The following CHCHD6 variants were observed in gnomAD, a reference collection of about 807,000 sequenced individuals.
CHCHD6 encodes MICOS complex subunit MIC25.
In CHCHD6, 28 loss-of-function variants were observed where a neutral mutation model predicts 32.3. The ratio of observed to expected loss-of-function variants is 0.87; its 90% CI spans 0.64 to 1.19. The LOEUF is 1.19. CHCHD6 is among the 50% of genes most tolerant of loss of function. The pLI is 0.00. For missense variants in CHCHD6, 333 were observed against 307.0 expected (o/e 1.08, Z -0.63); for synonymous variants, 122 against 117.5 (o/e 1.04, Z -0.25).
At chr3:126,768,494 A>T (rs1937468358) in intron 4 of CHCHD6, among the ~76,000 whole-genome samples, 1 of 152,174 alleles carries the variant, frequency 6.6e-6, no homozygotes, top group Non-Finnish European at 1.5e-5. Context: ...AGTCTCAGGT[A>T]TTTCTTTATA....
intron 5 of CHCHD6, among the ~76,000 whole-genome samples, chr3:126,871,661 C>CTTTTT (rs869191195): frequency 2.4e-5 from 3 of 125,122 alleles, no homozygotes; most frequent in Admixed American, 8.1e-5. Flanking sequence ...GACCCCCCAA[C>CTTTTT]TTTTTTTTTT....
chr3:126,828,015 C>T (rs938958766), intron 4 of CHCHD6, among the ~76,000 whole-genome samples: 8 of 152,248 alleles, frequency 5.3e-5, no homozygotes, highest in African/African-American at 1.4e-4. Context: ...TCTCAGGTCT[C>T]GTTTCTTCTG....
At chr3:126,916,941 C>T (rs1016813240) in intron 6 of CHCHD6, among the ~76,000 whole-genome samples, 1 of 152,182 alleles carries the variant, frequency 6.6e-6, no homozygotes, top group African/African-American at 2.4e-5. Context: ...GGAGAAGATG[C>T]ACTGGGGGAG....
Position 126,822,893 on chromosome 3 carries a change from T to C in CHCHD6, c.412-29754T>C, listed in dbSNP as rs539639091. On this transcript the variant is annotated intron_variant, in intron 4 of 7. Transcript: ENST00000290913. ...CTTTATGGTAGTTGTAATTATCTTG[T>C]ATATCTTGTATATTCATCCCTTTTT... Among the ~76,000 whole-genome samples the C allele has an allele frequency of 1.4e-4, 21 of 152,250 alleles. No individual in the cohort carries two copies. The South Asian group carries it at 1.9e-3, about 14-fold the overall frequency.
At chr3:126,959,542 CA>C (rs1206189258) in intron 7 of CHCHD6, among the ~76,000 whole-genome samples, 79 of 152,222 alleles carry the variant, frequency 5.2e-4, no homozygotes, top group Non-Finnish European at 8.8e-5. Flanking sequence ...TTTGCTTATG[CA>C]AGGGGCCAAA....
intron 4 of CHCHD6, among the ~76,000 whole-genome samples, chr3:126,758,067 G>A (rs1382306289): frequency 6.6e-6 from 1 of 152,218 alleles, no homozygotes; most frequent in East Asian, 1.9e-4. Flanking sequence ...TCTTGGGCAA[G>A]CCCTCTGTGG....
intron 6 of CHCHD6, among the ~76,000 whole-genome samples, chr3:126,939,696 T>C (rs1319041040): frequency 6.6e-6 from 1 of 152,250 alleles, no homozygotes; most frequent in African/African-American, 2.4e-5. Flanking sequence ...ATAAAATGAC[T>C]GATTCTTTAA....
At chr3:126,745,305 C>T (rs1461082715) in intron 4 of CHCHD6, among the ~76,000 whole-genome samples, 1 of 152,214 alleles carries the variant, frequency 6.6e-6, no homozygotes, top group South Asian at 2.1e-4. Context: ...CACCTGGGCT[C>T]AGATGCCCCA....
chr3:126,753,910 G>A (rs1017457824), intron 4 of CHCHD6, among the ~76,000 whole-genome samples: 1 of 152,314 alleles, frequency 6.6e-6, no homozygotes, highest in Non-Finnish European at 1.5e-5. Flanking sequence ...TCCTGAGAGG[G>A]GTGGAGAGGA....
In CHCHD6 at chr3:126,957,809, G is replaced by T; in HGVS notation, c.702+258G>T. ...TGCGTTTGCCCTATTAGGCTGGGTG[G>T]GAGCAGGCTGGGTAAAGTCAGGCCC... On this transcript the variant is annotated intron_variant, in intron 7 of 7. Coordinates refer to ENST00000290913, the MANE Select transcript of CHCHD6 (RefSeq NM_032343.3). 7.2e-6 allele frequency: 4 copies of T among 559,084 alleles called. No individual in the cohort carries two copies. In the South Asian group the frequency reaches 8.1e-5, roughly 11 times the overall value. The allele number at this position is 559,084 out of a possible 1,614,324, so 34.6% of individuals were successfully genotyped here.
At chr3:126,810,412 C>T (rs1304868471) in intron 4 of CHCHD6, among the ~76,000 whole-genome samples, 1 of 152,142 alleles carries the variant, frequency 6.6e-6, no homozygotes, top group Non-Finnish European at 1.5e-5. Flanking sequence ...GAAGAAACAG[C>T]TAGAATAATC....
intron 4 of CHCHD6, among the ~76,000 whole-genome samples, chr3:126,790,290 A>T (rs1322248792): frequency 6.6e-6 from 1 of 152,036 alleles, no homozygotes; most frequent in Admixed American, 6.6e-5. Context: ...TGAATCTGAC[A>T]GTTATGTGTC....
intron 4 of CHCHD6, among the ~76,000 whole-genome samples, chr3:126,786,002 A>G (rs1938188827): frequency 6.6e-6 from 1 of 152,088 alleles, no homozygotes; most frequent in East Asian, 1.9e-4. Flanking sequence ...AACAGGCCCC[A>G]GTGTGTGATG....
At chr3:126,713,865 C>CT (rs1934876129) in intron 1 of CHCHD6, among the ~76,000 whole-genome samples, 1 of 152,058 alleles carries the variant, frequency 6.6e-6, no homozygotes, top group Admixed American at 6.5e-5. Context: ...AGTTGGGAGG[C>CT]TTTAGATCGA....
intron 1 of CHCHD6, among the ~76,000 whole-genome samples, chr3:126,723,022 G>A (rs1325668051): frequency 6.6e-6 from 1 of 152,016 alleles, no homozygotes; most frequent in Non-Finnish European, 1.5e-5. Flanking sequence ...TTTTGCAAGG[G>A]ATATCCAGTT....
intron 4 of CHCHD6, among the ~76,000 whole-genome samples, chr3:126,794,701 C>G (rs1938708318): frequency 6.6e-6 from 1 of 152,108 alleles, no homozygotes. Flanking sequence ...CGAAAATATT[C>G]TCCTACTGTC....
intron 6 of CHCHD6, among the ~76,000 whole-genome samples, chr3:126,940,951 A>T (rs577562883): frequency 4.6e-5 from 7 of 151,090 alleles, no homozygotes; most frequent in Admixed American, 3.3e-4. Context: ...ATCTTTTATC[A>T]TTTTTCTTGT....
chr3:126,851,244 T>C (rs1456488704), intron 4 of CHCHD6, among the ~76,000 whole-genome samples: 6 of 152,202 alleles, frequency 3.9e-5, no homozygotes, highest in African/African-American at 1.4e-4. Flanking sequence ...ACCAACCTGC[T>C]GGTGGTTCTG....
At chr3:126,807,460 T>C (rs1490893283) in intron 4 of CHCHD6, among the ~76,000 whole-genome samples, 1 of 151,996 alleles carries the variant, frequency 6.6e-6, no homozygotes, top group Non-Finnish European at 1.5e-5. Flanking sequence ...GGCTAGAAAG[T>C]AGATTTGAGT....
Sources: allele counts gnomAD v4.1 joint callset (sites outside exome capture counted in the v4.1 genomes callset), GRCh38; gene constraint gnomAD v4.1.1; transcripts MANE v1.5; gene names NCBI Gene and HGNC (gene_info 2026-07-23, HGNC 2026-07-21).